BICD2: variants seen among roughly 807,000 people sequenced by gnomAD.
The protein encoded by BICD2 is protein bicaudal D homolog 2.
Under a neutral mutation model 72.9 loss-of-function variants are expected in BICD2, and 25 were observed. That is an observed-to-expected ratio of 0.34 (90% CI 0.25 to 0.48). The LOEUF is 0.48. BICD2 is among the 20% of genes least tolerant of loss of function. The probability of loss-of-function intolerance (pLI) is 0.99; values close to 1 mark genes in which losing one functional copy is unlikely to be tolerated. For missense variants in BICD2, 894 were observed against 1,175.2 expected (o/e 0.76, Z 3.50); for synonymous variants, 501 against 516.1 (o/e 0.97, Z 0.40).
chr9:92,725,512 T>A (rs181453511), intron 2 of BICD2, among the ~76,000 whole-genome samples: 11 of 152,354 alleles, frequency 7.2e-5, no homozygotes, highest in African/African-American at 2.4e-4. Context: ...GGGGTTTAGT[T>A]TTCCCTCAAG....
intron 1 of BICD2, among the ~76,000 whole-genome samples, chr9:92,732,165 C>A (rs10992437): frequency 0.19 from 28,546 of 151,972 alleles, 3,788 homozygotes; most frequent in East Asian, 0.72. Flanking sequence ...CTTCTAGAGA[C>A]GAAAAGTACA....
At chr9:92,727,271 C>A (rs905634137) in intron 2 of BICD2, among the ~76,000 whole-genome samples, 1 of 152,196 alleles carries the variant, frequency 6.6e-6, no homozygotes, top group Non-Finnish European at 1.5e-5. Flanking sequence ...TCACTGCATA[C>A]CCTCAGGGCC....
Position 92,715,216 on chromosome 9 carries a change from C to T in BICD2, c.2506G>A (p.Glu836Lys), listed in dbSNP as rs779724776. Residue 836 changes from glutamate to lysine, a missense_variant, in exon 7 of 7, where the codon GAG becomes AAG. Physicochemically the swap from Glu to Lys is moderately conservative, Grantham distance 56 (BLOSUM62 1). Transcript: ENST00000356884. ...HTCACASDRA[E>K]GTGLANQVFC... is the part of the protein sequence containing the mutation. ...ACCTGGTTGGCCAGCCCGGTGCCCT[C>T]GGCCCTGTCGCTGGCACAGGCACAG... The T allele has an allele frequency of 2.2e-5, 35 of 1,612,752 alleles. 1 individual carries two copies. Among genetic ancestry groups the T allele is most frequent in the South Asian group, 1.1e-4 (10 of 91,014 alleles).
chr9:92,717,602 G>C lies in BICD2; in HGVS notation c.2258+195C>G, dbSNP rs369463087. On this transcript the variant is annotated intron_variant, in intron 6 of 6. Transcript: ENST00000356884. ...TTTCTTGTCACCAACTTGAGCACCA[G>C]TGTGCCAGAGATGTGCCAGGGGCCA... Among the ~76,000 whole-genome samples, 181 of 152,356 alleles carry C rather than the reference G, an allele frequency of 1.2e-3. 5 individuals are homozygous for C. In the South Asian group the frequency reaches 0.036, roughly 30 times the overall value.
intron 1 of BICD2, among the ~76,000 whole-genome samples, chr9:92,754,002 G>A (rs368842616): frequency 1.5e-4 from 23 of 151,866 alleles, no homozygotes; most frequent in East Asian, 3.9e-4. Context: ...AAAATTAGCC[G>A]GGCATGGTGG....
chr9:92,760,388 C>T lies in BICD2; in HGVS notation c.240+4117G>A, dbSNP rs555061476. On this transcript the variant is annotated intron_variant, in intron 1 of 6. Coordinates refer to ENST00000356884, the MANE Select transcript of BICD2 (RefSeq NM_001003800.2). ...ATGCTGGCAGGGCTGGCCTGGAGCA[C>T]ACCATCCGCATGCCTAGGGCTGGGC... Among the ~76,000 whole-genome samples the T allele has an allele frequency of 4.6e-5, 7 of 152,320 alleles. No individual in the cohort carries two copies. In the South Asian group the frequency reaches 1.4e-3, roughly 32 times the overall value.
chr9:92,741,068 G>A (rs1294336761), intron 1 of BICD2, among the ~76,000 whole-genome samples: 1 of 152,236 alleles, frequency 6.6e-6, no homozygotes, highest in Admixed American at 6.5e-5. Context: ...ATCAGTTCCT[G>A]ATGTATCTGT....
At chr9:92,726,773 T>C (rs921314380) in intron 2 of BICD2, among the ~76,000 whole-genome samples, 4 of 152,018 alleles carry the variant, frequency 2.6e-5, no homozygotes, top group Admixed American at 2.0e-4. Context: ...GTCTCAGGAT[T>C]TCCTCCTGAA....
At chr9:92,723,025 C>G (rs1193331469) in intron 2 of BICD2, among the ~76,000 whole-genome samples, 1 of 143,054 alleles carries the variant, frequency 7.0e-6, no homozygotes, top group Non-Finnish European at 1.5e-5. Context: ...TCCCTCAGCC[C>G]TTCTCACCTG....
At chr9:92,735,298 G>T (rs1267273341) in intron 1 of BICD2, among the ~76,000 whole-genome samples, 3 of 152,156 alleles carry the variant, frequency 2.0e-5, no homozygotes, top group African/African-American at 7.2e-5. Context: ...GGGAGGCCAG[G>T]TCCTGCACAG....
chr9:92,722,246 G>A (rs1853477614), intron 3 of BICD2, among the ~76,000 whole-genome samples: 1 of 152,120 alleles, frequency 6.6e-6, no homozygotes, highest in Admixed American at 6.5e-5. Context: ...AGGGGTTCCT[G>A]TTCATCCCCG....
At chr9:92,737,146 G>A (rs564425080) in intron 1 of BICD2, among the ~76,000 whole-genome samples, 1 of 152,334 alleles carries the variant, frequency 6.6e-6, no homozygotes, top group South Asian at 2.1e-4. Flanking sequence ...GCAGGGCTAT[G>A]TGACTGTGGT....
At chr9:92,715,594 T>G in intron 6 of BICD2, 131 bp from the exon 7 acceptor site, 1 of 877,838 alleles carries the variant, frequency 1.1e-6, no homozygotes, top group Non-Finnish European at 1.7e-6. Flanking sequence ...GCCTCTGGAC[T>G]GGAGGGTGTG....
intron 2 of BICD2, among the ~76,000 whole-genome samples, chr9:92,724,258 A>G (rs1385916474): frequency 2.0e-5 from 3 of 152,142 alleles, no homozygotes; most frequent in Non-Finnish European, 2.9e-5. Context: ...ACATGTGTGC[A>G]CTCATCTGAA....
rs146313072 is a variant in BICD2 at position 92,759,436 on chromosome 9, G to A, written c.240+5069C>T. The stretch of plus-strand genomic sequence containing the variant: ...CAGTAGCTTCTAAAAAAGAAGCTGG[G>A]CCCCCAGTGACCTCCTCCTAACCCT... On this transcript the variant is annotated intron_variant, in intron 1 of 6. Transcript: ENST00000356884. Among the ~76,000 whole-genome samples the A allele has an allele frequency of 2.9e-4, 44 of 152,246 alleles. 1 individual carries two copies. The East Asian group carries it at 8.1e-3, about 28-fold the overall frequency.
chr9:92,752,785 G>A (rs539939529), intron 1 of BICD2, among the ~76,000 whole-genome samples: 1 of 152,242 alleles, frequency 6.6e-6, no homozygotes, highest in South Asian at 2.1e-4. Flanking sequence ...GAACTTTCAT[G>A]AGTCTACATT....
At chr9:92,752,391 C>G (rs1218771500) in intron 1 of BICD2, among the ~76,000 whole-genome samples, 2 of 151,604 alleles carry the variant, frequency 1.3e-5, no homozygotes, top group Non-Finnish European at 2.9e-5. Flanking sequence ...TAAGAGCCAT[C>G]TGAAAGAGCT....
intron 1 of BICD2, among the ~76,000 whole-genome samples, chr9:92,735,114 T>C (rs376919360): frequency 5.3e-5 from 8 of 152,188 alleles, no homozygotes; most frequent in African/African-American, 1.9e-4. Flanking sequence ...CAGCAGGATC[T>C]AACACACTGG....
At chr9:92,761,859 A>G (rs571220618) in intron 1 of BICD2, among the ~76,000 whole-genome samples, 4 of 152,280 alleles carry the variant, frequency 2.6e-5, no homozygotes, top group Admixed American at 2.0e-4. Context: ...ATTAGGCAAA[A>G]TCAACCAGGG....
Sources: gnomAD v4.1 joint callset for allele counts (sites outside exome capture counted in the v4.1 genomes callset) on GRCh38, gnomAD v4.1.1 for gene constraint, MANE v1.5 for transcripts, NCBI Gene and HGNC (gene_info 2026-07-23, HGNC 2026-07-21) for gene names.